Variants in CCDC171 observed in about 807,000 individuals in gnomAD.
CCDC171 encodes coiled-coil domain-containing protein 171.
A neutral mutation model predicts 168.2 loss-of-function variants in CCDC171; 177 were observed. The ratio of observed to expected loss-of-function variants is 1.05; its 90% CI spans 0.93 to 1.19. The LOEUF is 1.19. CCDC171 is among the 50% of genes most tolerant of loss of function. The pLI, the probability that CCDC171 is intolerant of heterozygous loss-of-function variation, is 0.00. For synonymous variants in CCDC171, 687 were observed against 540.8 expected (o/e 1.27, Z -3.75); for missense variants, 1,991 against 1,539.0 (o/e 1.29, Z -4.91).
At chr9:15,817,966 C>G (rs2059622491) in intron 21 of CCDC171, among the ~76,000 whole-genome samples, 1 of 117,270 alleles carries the variant, frequency 8.5e-6, no homozygotes. Context: ...ACTGACACCT[C>G]ACACGGCCGG....
At chr9:15,822,366 C>T (rs2059814161) in intron 21 of CCDC171, among the ~76,000 whole-genome samples, 1 of 151,290 alleles carries the variant, frequency 6.6e-6, no homozygotes, top group African/African-American at 2.4e-5. Flanking sequence ...TTCTGCACAG[C>T]AAAAGAAACT....
At chr9:15,590,522 T>C (rs2041898776) in intron 4 of CCDC171, among the ~76,000 whole-genome samples, 1 of 151,350 alleles carries the variant, frequency 6.6e-6, no homozygotes, top group South Asian at 2.1e-4. Context: ...AGTGTGTTGA[T>C]AGGTGTTGGT....
intron 16 of CCDC171, among the ~76,000 whole-genome samples, chr9:15,736,375 G>C (rs1262908233): frequency 2.7e-5 from 4 of 150,862 alleles, no homozygotes; most frequent in Non-Finnish European, 4.4e-5. Flanking sequence ...TTTGGAGCTA[G>C]TACCTCACTA....
intron 18 of CCDC171, among the ~76,000 whole-genome samples, chr9:15,751,408 A>G (rs1415432435): frequency 2.6e-5 from 4 of 152,256 alleles, no homozygotes; most frequent in African/African-American, 9.6e-5. Context: ...CTTTCTTCAC[A>G]GAATTGGAAA....
At chr9:15,962,760 CAAACTCTAATTCAGTTCTTTTTTCCA>C (rs1830468058) in intron 25 of CCDC171, among the ~76,000 whole-genome samples, 1 of 151,790 alleles carries the variant, frequency 6.6e-6, no homozygotes, top group South Asian at 2.1e-4. Flanking sequence ...TTTTTCTACC[CAAACTCTAATTCAGTTCTTTTTTCCA>C]AAGATTATTA....
chr9:15,729,587 C>G, intron 15 of CCDC171, 23 bp from the exon 16 acceptor site: 1 of 1,507,674 alleles, frequency 6.6e-7, no homozygotes, highest in Non-Finnish European at 9.0e-7. Context: ...ATATTTCCTT[C>G]TCTGTTGCAT....
intron 6 of CCDC171, among the ~76,000 whole-genome samples, chr9:15,616,039 C>T (rs2044058884): frequency 6.6e-6 from 1 of 152,196 alleles, no homozygotes; most frequent in Non-Finnish European, 1.5e-5. Flanking sequence ...TAACCTCCAC[C>T]TCCTGGGTTC....
intron 21 of CCDC171, among the ~76,000 whole-genome samples, chr9:15,790,988 T>C (rs984133029): frequency 6.6e-6 from 1 of 152,214 alleles, no homozygotes; most frequent in African/African-American, 2.4e-5. Flanking sequence ...CGTGCTGTTT[T>C]GGTTACTGTA....
intron 2 of CCDC171, among the ~76,000 whole-genome samples, chr9:15,565,576 T>C (rs1404427051): frequency 1.3e-5 from 2 of 152,238 alleles, no homozygotes; most frequent in African/African-American, 4.8e-5. Context: ...TCTGTTTCTA[T>C]AGATTTGCCT....
chr9:15,554,748 C>T (rs1288994685), intron 1 of CCDC171, among the ~76,000 whole-genome samples: 1 of 152,110 alleles, frequency 6.6e-6, no homozygotes, highest in Non-Finnish European at 1.5e-5. Flanking sequence ...GACAGCACTG[C>T]GTAGTGAAAG....
the CCDC171 span, among the ~76,000 whole-genome samples, chr9:16,084,982 C>T: frequency 1.3e-5 from 2 of 152,154 alleles, no homozygotes; most frequent in African/African-American, 4.8e-5. Context: ...AATCATAACA[C>T]CTAAAAATTA....
intron 3 of CCDC171, among the ~76,000 whole-genome samples, chr9:16,008,567 C>T (rs1390980138): frequency 3.9e-5 from 6 of 152,160 alleles, no homozygotes; most frequent in African/African-American, 1.4e-4. Context: ...ATGGATCCAT[C>T]CTAGTGGTTG....
chr9:15,825,327 T>C (rs2059966614), intron 21 of CCDC171, among the ~76,000 whole-genome samples: 1 of 152,138 alleles, frequency 6.6e-6, no homozygotes, highest in Admixed American at 6.5e-5. Context: ...TCTTTGATAA[T>C]GTAGGTAGAA....
intron 9 of CCDC171, among the ~76,000 whole-genome samples, chr9:15,677,926 A>ATAG (rs1554754419): frequency 3.5e-5 from 1 of 28,242 alleles, no homozygotes; most frequent in Non-Finnish European, 5.7e-5. Flanking sequence ...ATATATATAT[A>ATAG]AGAGATGTGG....
chr9:15,625,167 G>C (rs1031819635), intron 7 of CCDC171, among the ~76,000 whole-genome samples: 2 of 152,046 alleles, frequency 1.3e-5, no homozygotes, highest in Non-Finnish European at 2.9e-5. Context: ...GGGGTTGTTT[G>C]ATTTTTTCTT....
At chr9:15,566,601 A>T (rs553907221) in intron 2 of CCDC171, among the ~76,000 whole-genome samples, 1 of 152,020 alleles carries the variant, frequency 6.6e-6, no homozygotes, top group Non-Finnish European at 1.5e-5. Context: ...ATATGCAAAC[A>T]TTTTTCTCCT....
chr9:15,822,888 A>T (rs1247684655), intron 21 of CCDC171, among the ~76,000 whole-genome samples: 1 of 152,198 alleles, frequency 6.6e-6, no homozygotes, highest in Non-Finnish European at 1.5e-5. Context: ...ATGCACACGT[A>T]TGTCTATTGT....
intron 1 of CCDC171, among the ~76,000 whole-genome samples, chr9:15,562,957 T>C (rs1362597762): frequency 1.3e-5 from 2 of 152,114 alleles, no homozygotes; most frequent in East Asian, 3.9e-4. Flanking sequence ...GCAAGACAGT[T>C]GAGCGTCTCT....
At chr9:16,057,718 G>A (rs759598137) in intron 1 of CCDC171, among the ~76,000 whole-genome samples, 21 of 152,248 alleles carry the variant, frequency 1.4e-4, no homozygotes, top group Non-Finnish European at 2.5e-4. Flanking sequence ...TTGCCAGACC[G>A]GGAGGTAGCA....
Sources: gnomAD v4.1 joint callset for allele counts (sites outside exome capture counted in the v4.1 genomes callset) on GRCh38, gnomAD v4.1.1 for gene constraint, MANE v1.5 for transcripts, NCBI Gene and HGNC (gene_info 2026-07-23, HGNC 2026-07-21) for gene names.